Variants in SDK1 observed in about 807,000 individuals in gnomAD.
SDK1 encodes sidekick cell adhesion molecule 1.
SDK1 carries 157 observed loss-of-function variants against 245.5 expected under a neutral mutation model. That is an observed-to-expected ratio of 0.64 (90% CI 0.56 to 0.73). The LOEUF (loss-of-function observed/expected upper bound fraction) is 0.73. Ranked by LOEUF, SDK1 falls within the 30% of genes least tolerant of loss-of-function variation. The pLI, the probability that SDK1 is intolerant of heterozygous loss-of-function variation, is 0.00. For missense variants in SDK1, 3,583 were observed against 3,002.3 expected (o/e 1.19, Z -4.52); for synonymous variants, 1,647 against 1,278.5 (o/e 1.29, Z -6.15).
At chr7:3,689,411 G>C (rs1466235651) in intron 4 of SDK1, among the ~76,000 whole-genome samples, 1 of 152,118 alleles carries the variant, frequency 6.6e-6, no homozygotes, top group East Asian at 1.9e-4. Flanking sequence ...CAGTAAACCT[G>C]GTACAAGCTA....
chr7:3,444,825 G>C (rs1476372938), intron 1 of SDK1, among the ~76,000 whole-genome samples: 2 of 152,182 alleles, frequency 1.3e-5, no homozygotes, highest in Admixed American at 6.5e-5. Context: ...CTGCAAATGT[G>C]ATCCCCTTTA....
chr7:3,914,078 C>A (rs1779282859), intron 5 of SDK1, among the ~76,000 whole-genome samples: 1 of 152,196 alleles, frequency 6.6e-6, no homozygotes, highest in South Asian at 2.1e-4. Flanking sequence ...TTATGAAGGC[C>A]CAGCCCTGGG....
chr7:3,816,166 T>C (rs1779502944), intron 4 of SDK1, among the ~76,000 whole-genome samples: 1 of 148,220 alleles, frequency 6.7e-6, no homozygotes, highest in South Asian at 2.2e-4. Context: ...ATTGACACCC[T>C]AACATCACAA....
chr7:4,121,840 A>AT, intron 25 of SDK1, among the ~76,000 whole-genome samples: 1 of 152,266 alleles, frequency 6.6e-6, no homozygotes. Context: ...ATGGAAGGGT[A>AT]TTTTTTAGTT....
chr7:3,695,377 G>A (rs1784542153), intron 4 of SDK1, among the ~76,000 whole-genome samples: 1 of 152,156 alleles, frequency 6.6e-6, no homozygotes, highest in African/African-American at 2.4e-5. Flanking sequence ...AATATGAGTA[G>A]ATTAAAATCA....
rs374791290 is a variant in SDK1 at position 3,816,732 on chromosome 7, C to A, written c.714-4718C>A. Among the ~76,000 whole-genome samples, 34 of 152,272 alleles carry A rather than the reference C, an allele frequency of 2.2e-4. No individual in the cohort carries two copies. In the East Asian group the frequency reaches 5.4e-3, roughly 24 times the overall value. Reference sequence around the variant, plus strand: ...ACAGCTAAGGAAAGTTCATCAGTTTCTAAGTTGTCTGCCTTGAACTTGCTT... The same window carrying A: ...ACAGCTAAGGAAAGTTCATCAGTTTATAAGTTGTCTGCCTTGAACTTGCTT... On this transcript the variant is annotated intron_variant, in intron 4 of 44. Transcript: ENST00000404826.
intron 5 of SDK1, among the ~76,000 whole-genome samples, chr7:3,913,804 A>C (rs140725202): frequency 6.6e-6 from 1 of 152,182 alleles, no homozygotes; most frequent in African/African-American, 2.4e-5. Flanking sequence ...CTGACCCCTG[A>C]CAATTTCTCT....
At chr7:4,107,285 C>T (rs1782996954) in intron 22 of SDK1, among the ~76,000 whole-genome samples, 1 of 152,128 alleles carries the variant, frequency 6.6e-6, no homozygotes, top group South Asian at 2.1e-4. Flanking sequence ...GTTTCCCCCT[C>T]ACACATGCAC....
At chr7:3,852,575 G>A (rs1329421202) in intron 5 of SDK1, among the ~76,000 whole-genome samples, 10 of 151,026 alleles carry the variant, frequency 6.6e-5, no homozygotes, top group Admixed American at 2.0e-4. Flanking sequence ...GTGAAACCCC[G>A]TCTCTACTAA....
intron 1 of SDK1, among the ~76,000 whole-genome samples, chr7:3,536,916 A>G (rs766304658): frequency 3.3e-5 from 5 of 152,248 alleles, no homozygotes; most frequent in Non-Finnish European, 7.3e-5. Context: ...GTTGAATTAT[A>G]AAACCATATT....
intron 19 of SDK1, among the ~76,000 whole-genome samples, chr7:4,056,182 CTG>C (rs1779185091): frequency 6.9e-6 from 1 of 145,558 alleles, no homozygotes; most frequent in African/African-American, 2.6e-5. Flanking sequence ...AATTTTCTAA[CTG>C]AATCATTTTT....
At chr7:3,407,761 A>C (rs1779091878) in intron 1 of SDK1, among the ~76,000 whole-genome samples, 2 of 152,210 alleles carry the variant, frequency 1.3e-5, no homozygotes, top group South Asian at 4.1e-4. Flanking sequence ...TTGGGTATAC[A>C]AGGATAACTA....
chr7:3,411,865 A>G (rs1317753819), intron 1 of SDK1, among the ~76,000 whole-genome samples: 2 of 152,090 alleles, frequency 1.3e-5, no homozygotes, highest in African/African-American at 4.8e-5. Context: ...CTAGGTATGA[A>G]CCCATTGCCT....
intron 4 of SDK1, among the ~76,000 whole-genome samples, chr7:3,684,673 T>G (rs141708058): frequency 6.6e-6 from 1 of 152,070 alleles, no homozygotes; most frequent in Non-Finnish European, 1.5e-5. Flanking sequence ...CAGAGATGAA[T>G]GTGATGTTGG....
chr7:3,968,983 G>A (rs567376875), intron 10 of SDK1, among the ~76,000 whole-genome samples: 2 of 152,186 alleles, frequency 1.3e-5, no homozygotes, highest in Non-Finnish European at 1.5e-5. Flanking sequence ...CTGCAAGAGA[G>A]AGAAAGAGCA....
At position 4,210,083 on chromosome 7, in the gene SDK1, G is replaced by A. The variant is rs761852254; in HGVS notation, c.5460G>A (p.Val1820=). The change falls in exon 38 of 45, where the codon GTG becomes GTA. Residue 1820 remains valine, a synonymous_variant. Transcript: ENST00000404826. ...AAATAACCTCCACCACGCTCAACGT[G>A]TCCTGGGGCGAGCCTGCGGCGGCCA... ...FSEITSTTLN[V]SWGEPAAANG... is the part of the protein sequence containing the mutation. 3.1e-6 allele frequency: 5 copies of A among 1,610,484 alleles called. No homozygotes were observed. In the East Asian group the frequency reaches 8.9e-5, roughly 29 times the overall value.
At chr7:3,402,271 A>C (rs955521458) in intron 1 of SDK1, among the ~76,000 whole-genome samples, 1 of 152,188 alleles carries the variant, frequency 6.6e-6, no homozygotes, top group African/African-American at 2.4e-5. Context: ...AGAATGAATG[A>C]TATCTGTTAT....
At chr7:3,378,388 G>C (rs1310520091) in intron 1 of SDK1, among the ~76,000 whole-genome samples, 1 of 152,182 alleles carries the variant, frequency 6.6e-6, no homozygotes, top group Non-Finnish European at 1.5e-5. Flanking sequence ...GTAGACATTT[G>C]TGCTCAGATG....
At chr7:3,322,244 A>T (rs1279391083) in intron 1 of SDK1, among the ~76,000 whole-genome samples, 1 of 152,170 alleles carries the variant, frequency 6.6e-6, no homozygotes, top group East Asian at 1.9e-4. Flanking sequence ...TACAGGAATA[A>T]GACTTTGTGT....
Sources: gnomAD v4.1 joint callset for allele counts (sites outside exome capture counted in the v4.1 genomes callset) on GRCh38, gnomAD v4.1.1 for gene constraint, MANE v1.5 for transcripts, NCBI Gene and HGNC (gene_info 2026-07-23, HGNC 2026-07-21) for gene names.